ETNK1: variants seen among roughly 807,000 people sequenced by gnomAD.
ETNK1 encodes ethanolamine kinase 1, also known as putative protein product of Nbla10396.
In ETNK1, 8 loss-of-function variants were observed where a neutral mutation model predicts 45.1. The observed-to-expected ratio is 0.18, with a 90% confidence interval of 0.10 to 0.32. The LOEUF (loss-of-function observed/expected upper bound fraction) is 0.32. Ranked by LOEUF, ETNK1 falls within the 10% of genes least tolerant of loss-of-function variation. The pLI is 1.00. For synonymous variants in ETNK1, 152 were observed against 151.9 expected (o/e 1.00, Z -0.01); for missense variants, 302 against 430.6 (o/e 0.70, Z 2.64).
At chr12:22,632,412 G>T (rs924398344) in intron 1 of ETNK1, among the ~76,000 whole-genome samples, 4 of 151,628 alleles carry the variant, frequency 2.6e-5, no homozygotes, top group Non-Finnish European at 5.9e-5. Context: ...TCCCATGTTT[G>T]AATGGTATTG....
chr12:22,683,965 A>G (rs10842050), intron 6 of ETNK1, among the ~76,000 whole-genome samples: 35,294 of 152,024 alleles, frequency 0.23, 4,956 homozygotes, highest in Non-Finnish European at 0.33. Flanking sequence ...TTCCTGACAT[A>G]AGTTGTGTTA....
chr12:22,660,527 C>T (rs1953989089), intron 3 of ETNK1, among the ~76,000 whole-genome samples: 1 of 152,132 alleles, frequency 6.6e-6, no homozygotes, highest in Admixed American at 6.6e-5. Flanking sequence ...CTGTTTTTAA[C>T]ATAACTGGAT....
chr12:22,630,913 G>T (rs974173559), intron 1 of ETNK1, among the ~76,000 whole-genome samples: 1 of 151,952 alleles, frequency 6.6e-6, no homozygotes, highest in African/African-American at 2.4e-5. Context: ...ACCTGGCCTG[G>T]ATATTTTTAA....
At chr12:22,679,209 G>A (rs988872058) in intron 6 of ETNK1, among the ~76,000 whole-genome samples, 36 of 152,206 alleles carry the variant, frequency 2.4e-4, no homozygotes, top group Non-Finnish European at 1.9e-4. Context: ...CAGAAGAGCC[G>A]ACAGTGCTGC....
intron 3 of ETNK1, among the ~76,000 whole-genome samples, chr12:22,659,997 TC>T (rs1355333391): frequency 1.4e-5 from 2 of 146,192 alleles, no homozygotes; most frequent in South Asian, 2.2e-4. Flanking sequence ...AGTTTTATAA[TC>T]CTTCGAATCC....
chr12:22,635,588 C>T (rs909390447), intron 1 of ETNK1, among the ~76,000 whole-genome samples: 16 of 152,154 alleles, frequency 1.1e-4, no homozygotes, highest in Admixed American at 1.0e-3. Context: ...TGTTTATTAT[C>T]ATTCAGTTCA....
In ETNK1 at chr12:22,655,423, G is replaced by A. The variant is rs370925494; in HGVS notation, c.417-3591G>A. ...ATGATATCAGCTCACTGCAACCTCC[G>A]CCGCCTGGGTTCAAGCAATTCTTCT... On this transcript the variant is annotated intron_variant, in intron 2 of 7. Coordinates refer to ENST00000266517, the MANE Select transcript of ETNK1 (RefSeq NM_018638.5). Among the ~76,000 whole-genome samples, 18 of 145,202 alleles carry A rather than the reference G, an allele frequency of 1.2e-4. 1 individual carries two copies. Among genetic ancestry groups the A allele is most frequent in the African/African-American group, 4.1e-4 (16 of 39,036 alleles).
At chr12:22,646,698 T>C (rs1035111936) in intron 2 of ETNK1, among the ~76,000 whole-genome samples, 3 of 151,848 alleles carry the variant, frequency 2.0e-5, no homozygotes, top group African/African-American at 4.8e-5. Flanking sequence ...CACAGTACTT[T>C]CTTGAATTGG....
intron 1 of ETNK1, among the ~76,000 whole-genome samples, chr12:22,634,068 G>A (rs1464401311): frequency 6.6e-6 from 1 of 152,054 alleles, no homozygotes; most frequent in Non-Finnish European, 1.5e-5. Flanking sequence ...TGTTAGGTAT[G>A]ATATATGCTA....
At chr12:22,678,046 A>C (rs1019078863) in intron 6 of ETNK1, among the ~76,000 whole-genome samples, 2 of 151,852 alleles carry the variant, frequency 1.3e-5, no homozygotes, top group Non-Finnish European at 2.9e-5. Flanking sequence ...CTCTGTTGCT[A>C]TCTTCTTTTG....
rs373098684 is a variant in ETNK1, at chr12:22,631,661, G to A, written c.156+6075G>A. On this transcript the variant is annotated intron_variant, in intron 1 of 7. Coordinates refer to ENST00000266517, the MANE Select transcript of ETNK1 (RefSeq NM_018638.5). ...GGCCCAGATTAGGACAGATGAGATG[G>A]AAATAAGGTACAGATTTCACATTTC... is the stretch of plus-strand genomic sequence containing the variant. 3.9e-5 allele frequency among the ~76,000 whole-genome samples: 6 copies of A among 152,258 alleles called. No individual in the cohort carries two copies. The East Asian group carries it at 9.6e-4, about 24-fold the overall frequency.
rs1266241905 is a variant in ETNK1, at chr12:22,680,913, A to G, written c.946-3570A>G. On this transcript the variant is annotated intron_variant, in intron 6 of 7. Coordinates refer to ENST00000266517, the MANE Select transcript of ETNK1 (RefSeq NM_018638.5). ...CTTCCCCCGCCCCCCCCTCCATTAT[A>G]TGCACACTGGGGATTTATTTTAGTT... 3.1e-5 allele frequency among the ~76,000 whole-genome samples: 3 copies of G among 96,036 alleles called. No individual in the cohort carries two copies. The South Asian group carries it at 1.2e-3, about 38-fold the overall frequency. The allele number at this position is 96,036 out of a possible 152,430, so 63.0% of individuals were successfully genotyped here. A position where few individuals can be genotyped will look rare whatever the true frequency, so the allele number is the denominator to read the frequency against.
chr12:22,663,533 A>G (rs1476755070), intron 4 of ETNK1, among the ~76,000 whole-genome samples: 2 of 151,472 alleles, frequency 1.3e-5, no homozygotes, highest in Non-Finnish European at 2.9e-5. Flanking sequence ...TAAAAAATAC[A>G]TTTTCACTTT....
rs750871987 is a variant in ETNK1 at position 22,625,310 on chromosome 12, GC to G, written c.-116del. 1.1e-5 allele frequency: 18 copies of G among 1,602,958 alleles called. No homozygotes were observed. In the Admixed American group the frequency reaches 2.7e-4, roughly 24 times the overall value. On this transcript the variant is annotated 5_prime_UTR_variant, in exon 1 of 8. Transcript: ENST00000266517. ...CTGCCGCTCGCCCGCCCGTCCCAGC[GC>G]CCCCAGCCCTCCCGCGAGGGCGCCC...
intron 1 of ETNK1, chr12:22,625,816 G>A: frequency 1.4e-6 from 1 of 736,314 alleles, no homozygotes; most frequent in Non-Finnish European, 2.4e-6. Context: ...CTTTCTAGAA[G>A]CCGCTGCGTA....
chr12:22,629,861 T>A (rs1592109076), intron 1 of ETNK1, among the ~76,000 whole-genome samples: 1 of 152,306 alleles, frequency 6.6e-6, no homozygotes, highest in South Asian at 2.1e-4. Flanking sequence ...ATGTTAGTGA[T>A]TACATCCAGT....
rs571496872 is a variant in ETNK1 at position 22,647,080 on chromosome 12, C to T, written c.416+3058C>T. On this transcript the variant is annotated intron_variant, in intron 2 of 7. Transcript: ENST00000266517. ...CTATAGTGCCTGACGGGTAATTCCA[C>T]TTATGGAAATTTATCATTCTCTGTT... 2.6e-5 allele frequency among the ~76,000 whole-genome samples: 4 copies of T among 151,926 alleles called. No homozygotes were observed. In the East Asian group the frequency reaches 5.8e-4, roughly 22 times the overall value.
intron 1 of ETNK1, among the ~76,000 whole-genome samples, chr12:22,637,526 G>A (rs562830511): frequency 6.6e-6 from 1 of 152,342 alleles, no homozygotes; most frequent in South Asian, 2.1e-4. Context: ...TGGTGGTAGT[G>A]TAGTATATGT....
intron 3 of ETNK1, 61 bp downstream of exon 3, chr12:22,659,215 C>G: frequency 2.0e-6 from 3 of 1,475,104 alleles, no homozygotes; most frequent in Non-Finnish European, 2.8e-6. Context: ...GATAGGGTTT[C>G]AAAGGTAATT....
Sources: allele counts gnomAD v4.1 joint callset (sites outside exome capture counted in the v4.1 genomes callset), GRCh38; gene constraint gnomAD v4.1.1; transcripts MANE v1.5; gene names NCBI Gene and HGNC (gene_info 2026-07-23, HGNC 2026-07-21).